The following SMAD6 variants were observed in gnomAD, a reference collection of about 807,000 sequenced individuals.
SMAD6 encodes the protein MAD homolog 6.
SMAD6 carries 103 observed loss-of-function variants against 39.4 expected under a neutral mutation model. The ratio of observed to expected loss-of-function variants is 2.62; its 90% CI spans 2.23 to 3.08. The LOEUF (loss-of-function observed/expected upper bound fraction) is 3.08. Ranked by LOEUF, SMAD6 falls within the 30% of genes most tolerant of loss-of-function variation. SMAD6 has a pLI of 0.00. For synonymous variants in SMAD6, 445 were observed against 353.3 expected (o/e 1.26, Z -2.91); for missense variants, 1,104 against 742.9 (o/e 1.49, Z -5.65).
chr15:66,775,393 G>A (rs1894449926), intron 3 of SMAD6, among the ~76,000 whole-genome samples: 1 of 152,142 alleles, frequency 6.6e-6, no homozygotes, highest in African/African-American at 2.4e-5. Flanking sequence ...AGATATCTGA[G>A]CTGGTTTCTG....
In SMAD6 at chr15:66,711,503, C is replaced by T. The variant is rs2245159; in HGVS notation, c.818-165C>T. Among the ~76,000 whole-genome samples the T allele has an allele frequency of 0.67, 102,228 of 152,062 alleles. 35,003 individuals are homozygous for T. The highest frequency in any genetic ancestry group is 0.8 in the African/African-American group (33,331 of 41,486). ...CATATCTGTCTGTGCCCCAAGCCTG[C>T]GGCTTTAACTGTTGAGGGGATTTGG... On this transcript the variant is annotated intron_variant, in intron 1 of 3. Coordinates refer to ENST00000288840, the MANE Select transcript of SMAD6 (RefSeq NM_005585.5).
intron 3 of SMAD6, among the ~76,000 whole-genome samples, chr15:66,737,824 C>T (rs1043610792): frequency 2.2e-4 from 33 of 152,230 alleles, no homozygotes; most frequent in African/African-American, 7.5e-4. Context: ...CCCAGTGACG[C>T]GGAGCTGAGC....
At chr15:66,750,680 A>G (rs951797600) in intron 3 of SMAD6, among the ~76,000 whole-genome samples, 3 of 152,186 alleles carry the variant, frequency 2.0e-5, no homozygotes, top group Non-Finnish European at 4.4e-5. Context: ...AGGGAAGAGA[A>G]GGGGCCAGTG....
intron 3 of SMAD6, among the ~76,000 whole-genome samples, chr15:66,726,121 G>T (rs1320175700): frequency 6.6e-6 from 1 of 152,132 alleles, no homozygotes; most frequent in Non-Finnish European, 1.5e-5. Flanking sequence ...TCACTCCCAG[G>T]CCCCTTCTCT....
intron 3 of SMAD6, among the ~76,000 whole-genome samples, chr15:66,766,705 C>A (rs1360044433): frequency 2.0e-5 from 3 of 152,150 alleles, no homozygotes; most frequent in Non-Finnish European, 4.4e-5. Context: ...AGGAAAGGCA[C>A]CCCCTCCTCT....
chr15:66,768,874 G>C (rs1384924898), intron 3 of SMAD6, among the ~76,000 whole-genome samples: 1 of 152,230 alleles, frequency 6.6e-6, no homozygotes, highest in Non-Finnish European at 1.5e-5. Flanking sequence ...TCCTTGGGGA[G>C]GAGAGGGGAG....
rs554907022 is a variant in SMAD6 at position 66,775,878 on chromosome 15, TGG to T, written c.953-5118_953-5117del. Among the ~76,000 whole-genome samples the T allele has an allele frequency of 4.7e-4, 71 of 152,210 alleles. No homozygotes were observed. In the South Asian group the frequency reaches 8.3e-3, roughly 18 times the overall value. On this transcript the variant is annotated intron_variant, in intron 3 of 3. Transcript: ENST00000288840. Reference sequence around the variant, plus strand: ...GTAAGAGACTGTCCCCTCACCTGAGTGGCAGCCCAGGCTTGTGACTGAGAGGC... The same window carrying T: ...GTAAGAGACTGTCCCCTCACCTGAGTCAGCCCAGGCTTGTGACTGAGAGGC...
At chr15:66,773,853 C>T (rs375455848) in intron 3 of SMAD6, among the ~76,000 whole-genome samples, 11 of 152,134 alleles carry the variant, frequency 7.2e-5, no homozygotes, top group African/African-American at 1.2e-4. Flanking sequence ...ATCTCTTCTT[C>T]GCTCTTGGTA....
chr15:66,703,633 C>G lies in SMAD6; in HGVS notation c.375C>G (p.Thr125=), dbSNP rs767379771. ...WLPESDCETV[T]CCLFSERDAA... ...CCGAGAGTGACTGCGAGACGGTGAC[C>G]TGCTGTCTCTTTTCGGAGCGGGACG... Residue 125 remains threonine (T), a synonymous_variant, in exon 1 of 4, where the codon ACC becomes ACG. Coordinates refer to ENST00000288840, the MANE Select transcript of SMAD6 (RefSeq NM_005585.5). The G allele has an allele frequency of 8.1e-7, 1 of 1,233,006 alleles. No individual in the cohort carries two copies. The highest frequency in any genetic ancestry group is 1.6e-5 in the African/African-American group (1 of 63,446). 76.4% of individuals were successfully genotyped at this position (1,233,006 alleles called of 1,614,324 possible). A position where few individuals can be genotyped will look rare whatever the true frequency, so the allele number is the denominator to read the frequency against.
At chr15:66,766,599 A>G (rs950167719) in intron 3 of SMAD6, among the ~76,000 whole-genome samples, 5 of 152,170 alleles carry the variant, frequency 3.3e-5, no homozygotes, top group South Asian at 2.1e-4. Context: ...AGCAACCTAA[A>G]CAGGGTCCCT....
intron 1 of SMAD6, among the ~76,000 whole-genome samples, chr15:66,711,290 A>T (rs1303625846): frequency 6.6e-6 from 1 of 152,184 alleles, no homozygotes. Context: ...AGTAACAGTT[A>T]CTGTTTATGG....
chr15:66,781,487 C>A lies in SMAD6; in HGVS notation c.1443C>A (p.Ile481=). The A allele has an allele frequency of 6.3e-7, 1 of 1,589,074 alleles. No individual in the cohort carries two copies. The change falls in exon 4 of 4, where the codon ATC becomes ATA. Residue 481 remains isoleucine (I), a synonymous_variant. Transcript: ENST00000288840. ...GGCCCTGCTACTCCCGGCAGTTCATCACCTCCTGCCCCTGCTGGCTGGAGA... is the reference window on the plus strand; with the variant it reads ...GGCCCTGCTACTCCCGGCAGTTCATAACCTCCTGCCCCTGCTGGCTGGAGA... ...GWGPCYSRQF[I]TSCPCWLEIL...
chr15:66,726,263 G>T (rs1347214907), intron 3 of SMAD6, among the ~76,000 whole-genome samples: 1 of 152,212 alleles, frequency 6.6e-6, no homozygotes, highest in Non-Finnish European at 1.5e-5. Flanking sequence ...GCAGAGTCTG[G>T]TGTGTAGTAG....
In SMAD6 at chr15:66,781,770, A is replaced by T. The variant is rs1397862372; in HGVS notation, c.*235A>T. The T allele has an allele frequency of 3.2e-5, 13 of 400,076 alleles. No individual in the cohort carries two copies. Among genetic ancestry groups the T allele is most frequent in the Admixed American group, 2.2e-4 (5 of 22,814 alleles). 24.8% of individuals were successfully genotyped at this position (400,076 alleles called of 1,614,324 possible). A position where few individuals can be genotyped will look rare whatever the true frequency, so the allele number is the denominator to read the frequency against. On this transcript the variant is annotated 3_prime_UTR_variant, in exon 4 of 4. Coordinates refer to ENST00000288840, the MANE Select transcript of SMAD6 (RefSeq NM_005585.5). ...TATGGTGCAATGTGTGTATATGGAC[A>T]AAACAAGAAAGACGCACTTTGGCTT...
chr15:66,737,761 C>G (rs1238090591), intron 3 of SMAD6, among the ~76,000 whole-genome samples: 3 of 152,060 alleles, frequency 2.0e-5, no homozygotes, highest in Non-Finnish European at 4.4e-5. Flanking sequence ...AGCTTCAGGC[C>G]TGGGGAGGTG....
intron 3 of SMAD6, among the ~76,000 whole-genome samples, chr15:66,734,634 A>G (rs980354561): frequency 6.6e-6 from 1 of 152,204 alleles, no homozygotes; most frequent in African/African-American, 2.4e-5. Flanking sequence ...CTTACTTACC[A>G]GAGTCACACA....
chr15:66,760,950 G>A (rs1279009316), intron 3 of SMAD6, among the ~76,000 whole-genome samples: 2 of 152,172 alleles, frequency 1.3e-5, no homozygotes, highest in Non-Finnish European at 2.9e-5. Flanking sequence ...AGTCAGAAAA[G>A]GGGCCTCCTA....
intron 2 of SMAD6, among the ~76,000 whole-genome samples, chr15:66,714,878 G>T (rs1477668654): frequency 6.6e-6 from 1 of 152,188 alleles, no homozygotes; most frequent in Non-Finnish European, 1.5e-5. Context: ...GTCTGTGTTG[G>T]CTGTAAGGCA....
intron 3 of SMAD6, among the ~76,000 whole-genome samples, chr15:66,727,739 A>C (rs1893547551): frequency 6.6e-6 from 1 of 152,214 alleles, no homozygotes; most frequent in Admixed American, 6.5e-5. Context: ...GAATGGATTT[A>C]TATGGCCCCA....
Sources: gnomAD v4.1 joint callset for allele counts (sites outside exome capture counted in the v4.1 genomes callset) on GRCh38, gnomAD v4.1.1 for gene constraint, MANE v1.5 for transcripts, NCBI Gene and HGNC (gene_info 2026-07-23, HGNC 2026-07-21) for gene names.